The following CDH17 variants were observed in gnomAD, a reference collection of about 807,000 sequenced individuals.
CDH17 encodes cadherin 17, also known as cadherin-17.
CDH17 carries 67 observed loss-of-function variants against 86.3 expected under a neutral mutation model. That is an observed-to-expected ratio of 0.78 (90% CI 0.64 to 0.95). CDH17 has a LOEUF of 0.95. Among genes scored for constraint, CDH17 ranks in the 40% least tolerant of loss-of-function variants. The probability of loss-of-function intolerance (pLI) is 0.00; values close to 1 mark genes in which losing one functional copy is unlikely to be tolerated. For missense variants in CDH17, 993 were observed against 1,017.6 expected (o/e 0.98, Z 0.33); for synonymous variants, 367 against 366.4 (o/e 1.00, Z -0.02).
At chr8:94,139,252 G>A (rs1409084225) in intron 15 of CDH17, among the ~76,000 whole-genome samples, 2 of 151,734 alleles carry the variant, frequency 1.3e-5, no homozygotes. Context: ...GAATATAGCA[G>A]GAAAAAACAG....
chr8:94,156,462 A>G (rs970272613), intron 12 of CDH17, among the ~76,000 whole-genome samples: 3 of 152,230 alleles, frequency 2.0e-5, no homozygotes, highest in Admixed American at 1.3e-4. Context: ...GCAGGGCTCA[A>G]AGAAATAGCT....
chr8:94,168,131 T>TAC (rs1813197107), intron 9 of CDH17, among the ~76,000 whole-genome samples: 5 of 102,638 alleles, frequency 4.9e-5, no homozygotes, highest in African/African-American at 2.0e-4. Context: ...TATATATATA[T>TAC]ATATATATAT....
At chr8:94,172,305 C>T (rs922281028) in intron 7 of CDH17, among the ~76,000 whole-genome samples, 4 of 151,960 alleles carry the variant, frequency 2.6e-5, no homozygotes, top group Middle Eastern at 3.4e-3. Flanking sequence ...CAGAATTCTT[C>T]CTGCTGTTCT....
At chr8:94,208,590 G>A (rs1426959467), upstream of CDH17, 1 of 152,156 alleles carries the variant, frequency 6.6e-6, no homozygotes, top group African/African-American at 2.4e-5. Flanking sequence ...CCTCTTCCCT[G>A]CTTTGCCTCC....
upstream of CDH17, among the ~76,000 whole-genome samples, chr8:94,211,795 A>G (rs752600138): frequency 9.2e-5 from 14 of 152,324 alleles, no homozygotes; most frequent in Non-Finnish European, 1.6e-4. Context: ...ATTACTTAAT[A>G]TCTGTCTTGC....
In CDH17 at chr8:94,189,302, A is replaced by G. The variant is rs1813641183; in HGVS notation, c.52-17T>C. The G allele has an allele frequency of 1.3e-6, 2 of 1,563,264 alleles. No homozygotes were observed. The highest frequency in any genetic ancestry group is 3.7e-5 in the Admixed American group (2 of 54,398). ...TCCAGTTGCCTGTTAAAAAAGAAAG[A>G]GAAAATTAGCATCTTGTATGAAGTG... On this transcript the variant is annotated splice_polypyrimidine_tract_variant and intron_variant, in intron 2 of 17. Coordinates refer to ENST00000027335, the MANE Select transcript of CDH17 (RefSeq NM_004063.4).
At chr8:94,186,263 T>C (rs987542335) in intron 3 of CDH17, among the ~76,000 whole-genome samples, 7 of 152,182 alleles carry the variant, frequency 4.6e-5, no homozygotes, top group Non-Finnish European at 8.8e-5. Context: ...TCTCTCTCTC[T>C]CTCACTCAGT....
rs375272254 is a variant in CDH17, at chr8:94,201,471, C to G, written c.-20-6766G>C. Among the ~76,000 whole-genome samples the G allele has an allele frequency of 5.9e-4, 90 of 152,264 alleles. 3 individuals carry two copies. In the South Asian group the frequency reaches 0.017, roughly 28 times the overall value. On this transcript the variant is annotated intron_variant, in intron 1 of 17. Transcript: ENST00000027335. ...GTCCTTCTAAGAAGAGATTTGGAGA[C>G]AGGCTCATCCACAAAGAAAGAACAC...
At position 94,148,836 on chromosome 8, in the gene CDH17, A is replaced by G. The variant is rs1327240223; in HGVS notation, c.1835T>C (p.Ile612Thr). Reference sequence around the variant, plus strand: ...AAAGATCTCACCAGTCACGTGGTCAATTTTAAGCCAACCTCTTGTGTCTCC... The same window carrying G: ...AAAGATCTCACCAGTCACGTGGTCAGTTTTAAGCCAACCTCTTGTGTCTCC... ...LRGDTRGWLK[I>T]DHVTGEIFSV... Residue 612 changes from isoleucine to threonine, a missense_variant, in exon 14 of 18, where the codon ATT becomes ACT. Ile to Thr is a moderately conservative substitution (Grantham distance 89). Transcript: ENST00000027335. 3 of 1,610,226 alleles carry G rather than the reference A, an allele frequency of 1.9e-6. No individual in the cohort carries two copies.
chr8:94,162,598 C>T (rs762820433), intron 10 of CDH17, among the ~76,000 whole-genome samples: 1 of 152,218 alleles, frequency 6.6e-6, no homozygotes, highest in Non-Finnish European at 1.5e-5. Flanking sequence ...ATCCAACCTA[C>T]ATCTGCTCTG....
intron 2 of CDH17, among the ~76,000 whole-genome samples, chr8:94,191,449 C>CT (rs34208252): frequency 0.011 from 1,342 of 119,802 alleles, 9 homozygotes; most frequent in Non-Finnish European, 0.015. Context: ...CAAGAAAATG[C>CT]TTTTTTTTTT....
At chr8:94,195,538 TCAAA>T (rs1204642359) in intron 1 of CDH17, among the ~76,000 whole-genome samples, 7 of 152,242 alleles carry the variant, frequency 4.6e-5, no homozygotes, top group African/African-American at 1.7e-4. Flanking sequence ...CCAAAAGAGA[TCAAA>T]CAAAAATCTG....
intron 15 of CDH17, among the ~76,000 whole-genome samples, chr8:94,137,709 A>G (rs1337028640): frequency 6.6e-6 from 1 of 152,176 alleles, no homozygotes; most frequent in Non-Finnish European, 1.5e-5. Context: ...AGTAAAAAAA[A>G]ACCTAACTAA....
At chr8:94,156,992 G>A (rs1337842047) in intron 12 of CDH17, among the ~76,000 whole-genome samples, 1 of 152,190 alleles carries the variant, frequency 6.6e-6, no homozygotes, top group African/African-American at 2.4e-5. Flanking sequence ...TTTCCTGAGA[G>A]GAGGTGGAGG....
Position 94,146,062 on chromosome 8 carries a change from T to C in CDH17, c.2033A>G (p.His678Arg). The change falls in exon 15 of 18, where the codon CAT becomes CGT. Residue 678 changes from histidine (H) to arginine (R), a missense_variant. His to Arg is a conservative substitution (Grantham distance 29). Transcript: ENST00000027335. ...GAGACTTCCAGGTGCACTGAGGGGA[T>C]GGCAGAAGAACAAGCCCGTGTAGTC... Reference protein sequence around the residue: ...AKDYTGLFFCHPLSAPGSLIF... With the variant: ...AKDYTGLFFCRPLSAPGSLIF... 1 of 1,613,890 alleles carries C rather than the reference T, an allele frequency of 6.2e-7. No homozygotes were observed. Among genetic ancestry groups the C allele is most frequent in the Non-Finnish European group, 8.5e-7 (1 of 1,179,920 alleles).
At chr8:94,207,896 G>T (rs541418553) in intron 1 of CDH17, among the ~76,000 whole-genome samples, 1 of 152,312 alleles carries the variant, frequency 6.6e-6, no homozygotes, top group Non-Finnish European at 1.5e-5. Flanking sequence ...TGATTAACAC[G>T]CACATCAGCC....
chr8:94,133,410 T>G (rs1291958489), intron 15 of CDH17, among the ~76,000 whole-genome samples: 1 of 152,226 alleles, frequency 6.6e-6, no homozygotes, highest in Non-Finnish European at 1.5e-5. Context: ...CTAGGTATTT[T>G]ATTCTCTTTG....
intron 2 of CDH17, among the ~76,000 whole-genome samples, chr8:94,192,306 G>T (rs1446632307): frequency 6.6e-6 from 1 of 152,216 alleles, no homozygotes; most frequent in East Asian, 1.9e-4. Context: ...GAAAGGACAA[G>T]ATGGCGGCTT....
At chr8:94,183,302 A>G (rs1349361057) in intron 3 of CDH17, among the ~76,000 whole-genome samples, 2 of 152,156 alleles carry the variant, frequency 1.3e-5, no homozygotes, top group African/African-American at 4.8e-5. Context: ...AGCCAACAAC[A>G]AAGTAGGAAG....
Sources: allele counts gnomAD v4.1 joint callset (sites outside exome capture counted in the v4.1 genomes callset), GRCh38; gene constraint gnomAD v4.1.1; transcripts MANE v1.5; gene names NCBI Gene and HGNC (gene_info 2026-07-23, HGNC 2026-07-21).